Variants in PHLDB3 observed in about 807,000 individuals in gnomAD.
PHLDB3 encodes the protein pleckstrin homology-like domain family B member 3.
Under a neutral mutation model 85.7 loss-of-function variants are expected in PHLDB3, and 86 were observed. The ratio of observed to expected loss-of-function variants is 1.00; its 90% CI spans 0.84 to 1.20. The LOEUF (loss-of-function observed/expected upper bound fraction) is 1.20, where lower values mean the gene tolerates loss of function less well. Ranked by LOEUF, PHLDB3 falls within the 50% of genes most tolerant of loss-of-function variation. The pLI, the probability that PHLDB3 is intolerant of heterozygous loss-of-function variation, is 0.00. For missense variants in PHLDB3, 995 were observed against 873.0 expected (o/e 1.14, Z -1.76); for synonymous variants, 376 against 349.8 (o/e 1.07, Z -0.83).
chr19:43,479,877 C>T (rs957778415), intron 13 of PHLDB3, among the ~76,000 whole-genome samples: 4 of 151,956 alleles, frequency 2.6e-5, no homozygotes, highest in Non-Finnish European at 5.9e-5. Flanking sequence ...ATAATGCACC[C>T]GAGGTCACAC....
intron 13 of PHLDB3, among the ~76,000 whole-genome samples, chr19:43,485,681 C>T (rs1335910526): frequency 2.7e-5 from 4 of 149,294 alleles, no homozygotes; most frequent in Admixed American, 6.7e-5. Context: ...CTCAGTCTCC[C>T]GAGTAGCTGG....
intron 9 of PHLDB3, among the ~76,000 whole-genome samples, chr19:43,494,340 C>A (rs112530897): frequency 5.9e-5 from 9 of 151,684 alleles, no homozygotes; most frequent in South Asian, 4.2e-4. Context: ...GCTGCCCCCC[C>A]ACCACCCCCG....
At chr19:43,502,908 A>G (rs1421593793) in intron 2 of PHLDB3, among the ~76,000 whole-genome samples, 2 of 151,888 alleles carry the variant, frequency 1.3e-5, no homozygotes, top group Middle Eastern at 6.3e-3. Context: ...ATCAGGTCCT[A>G]TTCTCTTGGC....
chr19:43,495,360 C>T (rs1475880072), intron 7 of PHLDB3, 21 bp from the exon 8 acceptor site: 1 of 1,610,716 alleles, frequency 6.2e-7, no homozygotes, highest in Non-Finnish European at 8.5e-7. Flanking sequence ...ATATGGACAG[C>T]TACGTGTCAA....
At chr19:43,496,873 G>GAAAA (rs35557273) in intron 6 of PHLDB3, 21 of 447,766 alleles carry the variant, frequency 4.7e-5, no homozygotes, top group East Asian at 1.1e-4. Flanking sequence ...TTTATAACGT[G>GAAAA]AAAAAAAAAA....
Position 43,495,276 on chromosome 19 carries a change from G to A in PHLDB3, c.1015C>T (p.Pro339Ser). The change falls in exon 8 of 16, where the codon CCC (proline) becomes TCC (serine). Residue 339 changes from proline (P) to serine (S), a missense_variant. By Grantham distance (74) the Pro-to-Ser change is moderately conservative (BLOSUM62 -1). Transcript: ENST00000292140. The part of the protein sequence containing the change: ...QGTPGGDFSE[P>S]NPALTKLLFT... ...CATACCTTAGTGAGGGCCGGGTTGG[G>A]CTCAGAGAAGTCCCCGCCAGGTGTT... is the stretch of plus-strand genomic sequence containing the variant. 6.2e-7 allele frequency: 1 copy of A among 1,613,796 alleles called. No individual in the cohort carries two copies. Among genetic ancestry groups the A allele is most frequent in the Non-Finnish European group, 8.5e-7 (1 of 1,179,806 alleles).
chr19:43,486,529 G>A, intron 12 of PHLDB3, 80 bp downstream of exon 12: 1 of 1,488,780 alleles, frequency 6.7e-7, no homozygotes, highest in Non-Finnish European at 9.1e-7. Flanking sequence ...TGAGGGAGGT[G>A]GAGTTGGGGG....
intron 6 of PHLDB3, chr19:43,496,896 C>A: frequency 3.2e-6 from 2 of 617,786 alleles, no homozygotes; most frequent in Non-Finnish European, 4.7e-6. Context: ...CGTAATAGAA[C>A]TTGCCTCATA....
At position 43,496,905 on chromosome 19, in the gene PHLDB3, T is replaced by C. The variant is rs2682547; in HGVS notation, c.825+213A>G. On this transcript the variant is annotated intron_variant, in intron 6 of 15. Coordinates refer to ENST00000292140, the MANE Select transcript of PHLDB3 (RefSeq NM_198850.4). ...AAAAAACGTAATAGAACTTGCCTCA[T>C]AAGTTTGTTGTAAGGATTCAGTGAG... 289,948 of 709,236 alleles carry C rather than the reference T, an allele frequency of 0.41. 61,064 individuals carry two copies. Among genetic ancestry groups the C allele is most frequent in the Non-Finnish European group, 0.43 (218,822 of 511,848 alleles). The allele number at this position is 709,236 out of a possible 1,614,324, so 43.9% of individuals were successfully genotyped here.
intron 13 of PHLDB3, among the ~76,000 whole-genome samples, chr19:43,481,144 A>C (rs1048749069): frequency 1.3e-4 from 20 of 151,102 alleles, no homozygotes; most frequent in Non-Finnish European, 2.4e-4. Flanking sequence ...GTGGGCCCTG[A>C]TGCTGCTGTT....
At chr19:43,489,938 C>A (rs1971274541) in intron 9 of PHLDB3, among the ~76,000 whole-genome samples, 1 of 147,600 alleles carries the variant, frequency 6.8e-6, no homozygotes, top group Non-Finnish European at 1.5e-5. Flanking sequence ...ACCAGGGAGG[C>A]AGTGGTTGCA....
chr19:43,491,464 G>A (rs1308806206), intron 9 of PHLDB3, among the ~76,000 whole-genome samples: 1 of 151,946 alleles, frequency 6.6e-6, no homozygotes, highest in Non-Finnish European at 1.5e-5. Context: ...TATATTAAGT[G>A]CTTTAAAATT....
intron 14 of PHLDB3, among the ~76,000 whole-genome samples, chr19:43,478,759 C>T (rs1368336485): frequency 1.3e-5 from 2 of 151,848 alleles, no homozygotes; most frequent in Middle Eastern, 3.2e-3. Context: ...ACTAAAAATA[C>T]AAAAAATTAG....
rs974394793 is a variant in PHLDB3, at chr19:43,494,744, G to C, written c.1107C>G (p.Thr369=). 73 of 1,613,234 alleles carry C rather than the reference G, an allele frequency of 4.5e-5. No individual in the cohort carries two copies. Among genetic ancestry groups the C allele is most frequent in the Admixed American group, 1.8e-4 (11 of 59,948 alleles). ...LQDAVAHSAA[T]PTSSCLFSVH... The stretch of plus-strand genomic sequence containing the variant: ...CAGAAAAGAGGCAGGAAGAAGTAGG[G>C]GTGGCAGCGGAGTGGGCCACGGCAT... Residue 369 remains threonine, a synonymous_variant, in exon 9 of 16, where the codon ACC becomes ACG. Coordinates refer to ENST00000292140, the MANE Select transcript of PHLDB3 (RefSeq NM_198850.4).
At chr19:43,501,583 A>T in intron 4 of PHLDB3, 151 bp downstream of exon 4, 1 of 1,375,450 alleles carries the variant, frequency 7.3e-7, no homozygotes, top group East Asian at 2.5e-5. Context: ...AAGGAAAACC[A>T]GGAGGGGCAT....
chr19:43,497,302 G>A (rs141405142), intron 5 of PHLDB3, 23 bp from the exon 6 acceptor site: 2 of 1,399,712 alleles, frequency 1.4e-6, no homozygotes, highest in Non-Finnish European at 1.9e-6. Context: ...ACACAAAAAG[G>A]GTGGAGGCCT....
In PHLDB3 at chr19:43,475,433, C is replaced by A. The variant is rs370087336; in HGVS notation, c.1900G>T (p.Ala634Ser). ...RIWMDVIVTA[A>S]DENHAP ...ACTCAGGGGGCGTGGTTTTCGTCAG[C>A]GGCGGTCACGATGACGTCCATCCAA... The change falls in exon 16 of 16, where the codon GCT becomes TCT. Residue 634 changes from alanine (A) to serine (S), a missense_variant. Transcript: ENST00000292140. The A allele has an allele frequency of 7.5e-5, 121 of 1,613,936 alleles. 2 individuals carry two copies. In the African/African-American group the frequency reaches 1.4e-3, roughly 19 times the overall value.
At chr19:43,479,139 G>T (rs1015701231) in intron 14 of PHLDB3, among the ~76,000 whole-genome samples, 2 of 152,092 alleles carry the variant, frequency 1.3e-5, no homozygotes, top group African/African-American at 4.8e-5. Flanking sequence ...AGGACTGGGG[G>T]TTTGAATTCT....
rs757479711 is a variant in PHLDB3 at position 43,504,095 on chromosome 19, C to T, written c.24G>A (p.Glu8=). MGTRSSP[E]EGTPPPLVPE... ...GGACCAGCGGCGGCGGGGTCCCCTC[C>T]TCGGGGCTGCTTCGCGTCCCCATGG... The change falls in exon 2 of 16, where the codon GAG becomes GAA. Residue 8 remains glutamate (E), a synonymous_variant. Transcript: ENST00000292140. 3 of 1,606,486 alleles carry T rather than the reference C, an allele frequency of 1.9e-6. No homozygotes were observed. In the South Asian group the frequency reaches 3.3e-5, roughly 18 times the overall value.
Sources: gnomAD v4.1 joint callset for allele counts (sites outside exome capture counted in the v4.1 genomes callset) on GRCh38, gnomAD v4.1.1 for gene constraint, MANE v1.5 for transcripts, NCBI Gene and HGNC (gene_info 2026-07-23, HGNC 2026-07-21) for gene names.